Variants in BANK1 observed in about 807,000 individuals in gnomAD.
The protein encoded by BANK1 is B-cell scaffold protein with ankyrin repeats.
A neutral mutation model predicts 94.5 loss-of-function variants in BANK1; 95 were observed. That is an observed-to-expected ratio of 1.00 (90% confidence interval 0.85 to 1.19). The LOEUF (loss-of-function observed/expected upper bound fraction) is 1.19, where lower values mean the gene tolerates loss of function less well. BANK1 is among the 50% of genes most tolerant of loss of function. BANK1 has a pLI of 0.00. For synonymous variants in BANK1, 334 were observed against 308.4 expected (o/e 1.08, Z -0.87); for missense variants, 987 against 932.2 (o/e 1.06, Z -0.77).
intron 11 of BANK1, among the ~76,000 whole-genome samples, chr4:102,046,346 G>T (rs989572546): frequency 8.6e-5 from 13 of 152,004 alleles, no homozygotes; most frequent in Non-Finnish European, 1.3e-4. Flanking sequence ...ATATAATTTT[G>T]CCATAATACA....
chr4:101,853,807 G>A (rs1421624), intron 2 of BANK1, among the ~76,000 whole-genome samples: 11,365 of 152,124 alleles, frequency 0.075, 625 homozygotes, highest in Admixed American at 0.18. Context: ...AGGAGGAGTG[G>A]ATCACACCGC....
At chr4:102,068,903 G>A (rs906734878) in intron 13 of BANK1, among the ~76,000 whole-genome samples, 5 of 150,954 alleles carry the variant, frequency 3.3e-5, no homozygotes, top group African/African-American at 9.7e-5. Flanking sequence ...GACCAAAAAG[G>A]ACAAATTACT....
intron 1 of BANK1, among the ~76,000 whole-genome samples, chr4:101,812,220 T>C (rs1218189755): frequency 6.6e-6 from 1 of 151,896 alleles, no homozygotes; most frequent in Non-Finnish European, 1.5e-5. Flanking sequence ...ATAACTGGAA[T>C]TAGTAAGAAG....
Position 101,822,948 on chromosome 4 carries a change from G to A in BANK1, c.71-6860G>A, listed in dbSNP as rs571573369. 2.0e-5 allele frequency among the ~76,000 whole-genome samples: 3 copies of A among 152,196 alleles called. No individual in the cohort carries two copies. In the South Asian group the frequency reaches 6.2e-4, roughly 32 times the overall value. On this transcript the variant is annotated intron_variant, in intron 1 of 16. Coordinates refer to ENST00000322953, the MANE Select transcript of BANK1 (RefSeq NM_017935.5). ...TTCTTTATCCAGCCTATCATTGATG[G>A]TATTTAGGTTGATTGCATGTCTTTG... is the stretch of plus-strand genomic sequence containing the variant.
intron 1 of BANK1, among the ~76,000 whole-genome samples, chr4:101,796,863 G>A (rs1725173682): frequency 6.6e-6 from 1 of 152,066 alleles, no homozygotes; most frequent in Non-Finnish European, 1.5e-5. Flanking sequence ...CTTAGTAAAT[G>A]TCACAAAACA....
At chr4:102,054,792 G>A (rs908934288) in intron 11 of BANK1, among the ~76,000 whole-genome samples, 5 of 152,026 alleles carry the variant, frequency 3.3e-5, no homozygotes, top group African/African-American at 9.7e-5. Context: ...ATTCTACCAA[G>A]GTCTGTACAG....
chr4:101,999,237 T>C (rs925947164), intron 7 of BANK1, among the ~76,000 whole-genome samples: 2 of 152,208 alleles, frequency 1.3e-5, no homozygotes, highest in African/African-American at 4.8e-5. Flanking sequence ...AGTTTGGGCA[T>C]ATTTTGATGA....
chr4:101,902,763 T>C (rs73836635), intron 6 of BANK1, among the ~76,000 whole-genome samples: 4,043 of 152,316 alleles, frequency 0.027, 195 homozygotes, highest in African/African-American at 0.093. Context: ...TTAACATGGG[T>C]TAAATTGTGA....
At chr4:102,037,995 T>C (rs771522751) in intron 10 of BANK1, among the ~76,000 whole-genome samples, 2 of 152,202 alleles carry the variant, frequency 1.3e-5, no homozygotes, top group African/African-American at 2.4e-5. Context: ...TATTGAATAC[T>C]ATCTAGAACA....
chr4:101,852,309 A>C (rs1409961438), intron 2 of BANK1, among the ~76,000 whole-genome samples: 1 of 151,358 alleles, frequency 6.6e-6, no homozygotes, highest in Non-Finnish European at 1.5e-5. Flanking sequence ...ATATACATAC[A>C]TAATTTAAAC....
chr4:102,068,548 C>T (rs1015569733), intron 13 of BANK1, among the ~76,000 whole-genome samples: 1 of 152,124 alleles, frequency 6.6e-6, no homozygotes, highest in Non-Finnish European at 1.5e-5. Flanking sequence ...TGGCTCTGGC[C>T]GGGTATGGTG....
chr4:101,843,158 C>T (rs1292266817), intron 2 of BANK1, among the ~76,000 whole-genome samples: 1 of 152,140 alleles, frequency 6.6e-6, no homozygotes, highest in Non-Finnish European at 1.5e-5. Context: ...AAACAAAAAA[C>T]AGTGTCCACT....
Position 101,914,094 on chromosome 4 carries a change from A to G in BANK1, c.1010-3899A>G, listed in dbSNP as rs1403410177. ...AGAGTAACTATTCATCTTTATCCCA[A>G]GTTTTTCCTGTTGTTTGTCTATGCC... is the stretch of plus-strand genomic sequence containing the variant. On this transcript the variant is annotated intron_variant, in intron 6 of 16. Transcript: ENST00000322953. Among the ~76,000 whole-genome samples, 5 of 152,184 alleles carry G rather than the reference A, an allele frequency of 3.3e-5. 1 individual carries two copies. Among genetic ancestry groups the G allele is most frequent in the African/African-American group, 1.2e-4 (5 of 41,448 alleles).
At chr4:101,908,067 T>C (rs1454288273) in intron 6 of BANK1, among the ~76,000 whole-genome samples, 3 of 152,180 alleles carry the variant, frequency 2.0e-5, no homozygotes, top group African/African-American at 4.8e-5. Flanking sequence ...TTAAAGGTCA[T>C]ATGGAACCAA....
chr4:101,949,735 A>G (rs975484517), intron 7 of BANK1, among the ~76,000 whole-genome samples: 1 of 152,186 alleles, frequency 6.6e-6, no homozygotes, highest in Admixed American at 6.6e-5. Context: ...TACAAGATCA[A>G]CATGTTAGAT....
At chr4:102,061,812 C>T (rs1313185654) in intron 12 of BANK1, 1 of 152,124 alleles carries the variant, frequency 6.6e-6, no homozygotes, top group African/African-American at 2.4e-5. Context: ...TGATCTGACT[C>T]ACCTAATAAT....
At chr4:101,969,500 G>A (rs145379033) in intron 7 of BANK1, among the ~76,000 whole-genome samples, 4 of 152,020 alleles carry the variant, frequency 2.6e-5, no homozygotes, top group African/African-American at 9.6e-5. Flanking sequence ...AAAAATTTTG[G>A]TTAGTTATTA....
chr4:101,980,039 A>G (rs892250067), intron 7 of BANK1, among the ~76,000 whole-genome samples: 8 of 151,666 alleles, frequency 5.3e-5, no homozygotes, highest in African/African-American at 1.7e-4. Context: ...AAAATTCTCT[A>G]GATTTTGGGG....
intron 1 of BANK1, among the ~76,000 whole-genome samples, chr4:101,822,080 C>T (rs969182944): frequency 6.6e-6 from 1 of 152,006 alleles, no homozygotes; most frequent in Admixed American, 6.6e-5. Flanking sequence ...CTTGGCAAGG[C>T]GTGGTGGCTC....
Sources: allele counts gnomAD v4.1 joint callset (sites outside exome capture counted in the v4.1 genomes callset), GRCh38; gene constraint gnomAD v4.1.1; transcripts MANE v1.5; gene names NCBI Gene and HGNC (gene_info 2026-07-23, HGNC 2026-07-21).